Variants in ARHGEF10L observed in about 807,000 individuals in gnomAD.
ARHGEF10L encodes Rho guanine nucleotide exchange factor 10 like.
Under a neutral mutation model 141.2 loss-of-function variants are expected in ARHGEF10L, and 69 were observed. The observed-to-expected ratio is 0.49, with a 90% confidence interval of 0.40 to 0.60. ARHGEF10L has a LOEUF of 0.60. ARHGEF10L is among the 20% of genes least tolerant of loss of function. ARHGEF10L has a pLI of 0.00. For missense variants in ARHGEF10L, 1,482 were observed against 1,734.3 expected (o/e 0.85, Z 2.58); for synonymous variants, 711 against 718.5 (o/e 0.99, Z 0.17).
intron 9 of ARHGEF10L, chr1:17,618,575 G>A (rs2059937360): frequency 1.3e-5 from 17 of 1,267,332 alleles, no homozygotes; most frequent in South Asian, 1.9e-5. Flanking sequence ...GGTTGCTGCC[G>A]CTTCTTCTTT....
intron 7 of ARHGEF10L, among the ~76,000 whole-genome samples, chr1:17,608,713 G>A (rs2081398367): frequency 1.3e-5 from 2 of 152,122 alleles, no homozygotes; most frequent in African/African-American, 4.8e-5. Context: ...GCAGTTTCAT[G>A]GGGACAGCTT....
intron 22 of ARHGEF10L, among the ~76,000 whole-genome samples, chr1:17,651,107 A>G (rs894342602): frequency 6.6e-6 from 1 of 152,146 alleles, no homozygotes; most frequent in Non-Finnish European, 1.5e-5. Context: ...GATTTTTTGC[A>G]TTAATATTGA....
intron 1 of ARHGEF10L, among the ~76,000 whole-genome samples, chr1:17,569,817 G>A (rs1380014582): frequency 1.3e-5 from 2 of 152,312 alleles, no homozygotes; most frequent in South Asian, 2.1e-4. Flanking sequence ...CCCCTTTGCC[G>A]GCCACATGCT....
At chr1:17,661,618 C>T (rs529303874) in intron 25 of ARHGEF10L, among the ~76,000 whole-genome samples, 106 of 152,314 alleles carry the variant, frequency 7.0e-4, no homozygotes, top group African/African-American at 2.5e-3. Context: ...TAGAGCCCCA[C>T]TTTCCAGTTT....
At chr1:17,657,323 C>CT (rs1480421000) in intron 25 of ARHGEF10L, among the ~76,000 whole-genome samples, 6 of 152,350 alleles carry the variant, frequency 3.9e-5, no homozygotes, top group Admixed American at 1.3e-4. Flanking sequence ...TCATGCACCC[C>CT]TTGAGAATTT....
At chr1:17,522,266 G>T in the ARHGEF10L span, among the ~76,000 whole-genome samples, 1 of 152,206 alleles carries the variant, frequency 6.6e-6, no homozygotes, top group African/African-American at 2.4e-5. Context: ...GGGGAGCTTG[G>T]TGGTTAATGA....
chr1:17,621,946 G>T lies in ARHGEF10L; in HGVS notation c.1020+5G>T. 1.2e-6 allele frequency: 2 copies of T among 1,614,110 alleles called. No individual in the cohort carries two copies. The highest frequency in any genetic ancestry group is 1.1e-5 in the South Asian group (1 of 91,070). ...TCTCTGAAGCGGATACTCCAGGTGC[G>T]ACTTCAGGGAGTTCTCAAGGGTCTC... On this transcript the variant is annotated splice_donor_5th_base_variant and intron_variant, in intron 11 of 28. Coordinates refer to ENST00000361221, the MANE Select transcript of ARHGEF10L (RefSeq NM_018125.4). The surrounding 1 kb of genome is among the most constrained non-coding windows in gnomAD (Gnocchi z 4.1).
intron 7 of ARHGEF10L, 135 bp downstream of exon 7, chr1:17,608,112 G>T (rs2081345233): frequency 3.1e-6 from 3 of 969,452 alleles, no homozygotes; most frequent in Non-Finnish European, 4.1e-6. Context: ...CCGGGTATGT[G>T]TGGTGAGAGG....
At position 17,654,638 on chromosome 1, in the gene ARHGEF10L, T is replaced by C. The variant is rs1557945198; in HGVS notation, c.2397T>C (p.Leu799=). The C allele has an allele frequency of 6.8e-6, 11 of 1,614,044 alleles. No homozygotes were observed. The South Asian group carries it at 1.2e-4, about 18-fold the overall frequency. Residue 799 remains leucine (L), a splice_region_variant and synonymous_variant, in exon 23 of 29, where the codon CTT becomes CTC. Transcript: ENST00000361221. The surrounding 1 kb of genome is among the most constrained non-coding windows in gnomAD (Gnocchi z 4.3). ...AFSSRALSLQ[L]GALVHSPVNC... The stretch of plus-strand genomic sequence containing the variant: ...ATGTACCGTCTCTGTCTCTGCAGCT[T>C]GGGGCCCTGGTCCACAGTCCTGTCA...
intron 1 of ARHGEF10L, among the ~76,000 whole-genome samples, chr1:17,562,231 A>G (rs2077570701): frequency 1.3e-5 from 2 of 152,190 alleles, no homozygotes; most frequent in African/African-American, 4.8e-5. Context: ...CCTGGGCAGC[A>G]TGATGAGACC....
chr1:17,680,825 T>C (rs762048034), intron 26 of ARHGEF10L, among the ~76,000 whole-genome samples: 79 of 149,544 alleles, frequency 5.3e-4, no homozygotes, highest in Admixed American at 8.7e-4. Flanking sequence ...ACTCTGTTGC[T>C]CAGGCTGAAT....
chr1:17,684,847 C>T (rs1209850134), intron 26 of ARHGEF10L, among the ~76,000 whole-genome samples: 1 of 152,148 alleles, frequency 6.6e-6, no homozygotes, highest in African/African-American at 2.4e-5. Context: ...CCCTCCCCTC[C>T]TCTGGGGAGC....
chr1:17,608,775 T>C (rs2059390325), intron 7 of ARHGEF10L, among the ~76,000 whole-genome samples: 1 of 152,130 alleles, frequency 6.6e-6, no homozygotes, highest in South Asian at 2.1e-4. Flanking sequence ...AGGCTACTTT[T>C]ATGTTTATTT....
chr1:17,516,314 C>A, the ARHGEF10L span, among the ~76,000 whole-genome samples: 2 of 152,264 alleles, frequency 1.3e-5, no homozygotes, highest in African/African-American at 4.8e-5. Context: ...AATATTCAGC[C>A]CCTCCTTTGC....
At chr1:17,590,484 G>A (rs1174679179) in intron 4 of ARHGEF10L, among the ~76,000 whole-genome samples, 3 of 152,148 alleles carry the variant, frequency 2.0e-5, no homozygotes, top group South Asian at 4.1e-4. Flanking sequence ...TTGTGAGGGC[G>A]GAGGGGTGTG....
chr1:17,545,146 A>G (rs112722373), intron 1 of ARHGEF10L, among the ~76,000 whole-genome samples: 4,989 of 152,254 alleles, frequency 0.033, 125 homozygotes, highest in Non-Finnish European at 0.045. Context: ...GTGCTACTGC[A>G]TATCTCAACT....
chr1:17,626,115 G>A, intron 14 of ARHGEF10L, 67 bp downstream of exon 14: 2 of 1,419,044 alleles, frequency 1.4e-6, no homozygotes, highest in South Asian at 2.3e-5. Context: ...GTGCCTCCTG[G>A]GGTAGGAGGG....
chr1:17,697,092 G>C lies in ARHGEF10L; in HGVS notation c.3552G>C (p.Pro1184=), dbSNP rs115511549. The C allele has an allele frequency of 5.0e-6, 8 of 1,607,638 alleles. No individual in the cohort carries two copies. The highest frequency in any genetic ancestry group is 6.8e-6 in the Non-Finnish European group (8 of 1,176,736). ...QYRLRSTAHL[P]GPLLSMREPA... Reference sequence around the variant, plus strand: ...GCCTGCGCTCCACCGCACACCTCCCGGGCCCGCTGCTCTCCATGCGGGAGC... The same window carrying C: ...GCCTGCGCTCCACCGCACACCTCCCCGGCCCGCTGCTCTCCATGCGGGAGC... Residue 1184 remains proline, a synonymous_variant, in exon 29 of 29, where the codon CCG becomes CCC. Coordinates refer to ENST00000361221, the MANE Select transcript of ARHGEF10L (RefSeq NM_018125.4). This position sits in a 1 kb window ranked among gnomAD's most constrained non-coding sequence, Gnocchi z 4.8.
At chr1:17,674,366 T>C (rs778986079) in intron 26 of ARHGEF10L, among the ~76,000 whole-genome samples, 28 of 152,250 alleles carry the variant, frequency 1.8e-4, no homozygotes, top group Non-Finnish European at 3.2e-4. Context: ...GCGAGCTTCA[T>C]AGAGTGGGTG....
Sources: allele counts gnomAD v4.1 joint callset (sites outside exome capture counted in the v4.1 genomes callset), GRCh38; gene constraint gnomAD v4.1.1; non-coding constraint Gnocchi (gnomAD v3.1); transcripts MANE v1.5; gene names NCBI Gene and HGNC (gene_info 2026-07-23, HGNC 2026-07-21).